TMC1: variants seen among roughly 807,000 people sequenced by gnomAD.
TMC1 encodes transmembrane channel-like protein 1.
Under a neutral mutation model 105.8 loss-of-function variants are expected in TMC1, and 84 were observed. That is an observed-to-expected ratio of 0.79 (90% CI 0.67 to 0.95). The LOEUF (loss-of-function observed/expected upper bound fraction) is 0.95. Among genes scored for constraint, TMC1 ranks in the 40% least tolerant of loss-of-function variants. The pLI, the probability that TMC1 is intolerant of heterozygous loss-of-function variation, is 0.00. For missense variants in TMC1, 817 were observed against 914.1 expected (o/e 0.89, Z 1.37); for synonymous variants, 315 against 311.5 (o/e 1.01, Z -0.12).
intron 2 of TMC1, among the ~76,000 whole-genome samples, chr9:72,578,799 T>G (rs1433672948): frequency 6.6e-6 from 1 of 152,244 alleles, no homozygotes; most frequent in Non-Finnish European, 1.5e-5. Flanking sequence ...CCCGCAGCCT[T>G]TCTCAATTTC....
chr9:72,670,083 G>A (rs906118600), intron 5 of TMC1, among the ~76,000 whole-genome samples: 1 of 152,158 alleles, frequency 6.6e-6, no homozygotes, highest in African/African-American at 2.4e-5. Flanking sequence ...AAGAGTTCCA[G>A]AGAAAAGAAA....
At chr9:72,554,628 G>T (rs1328774031) in intron 1 of TMC1, among the ~76,000 whole-genome samples, 2 of 152,162 alleles carry the variant, frequency 1.3e-5, no homozygotes, top group Admixed American at 1.3e-4. Context: ...TTTCAGCAGT[G>T]AAAGTCAGGG....
rs1489404848 is a variant in TMC1, at chr9:72,792,333, G to A, written c.1547G>A (p.Trp516Ter). 6.2e-7 allele frequency: 1 copy of A among 1,614,082 alleles called. No homozygotes were observed. Among genetic ancestry groups the A allele is most frequent in the Non-Finnish European group, 8.5e-7 (1 of 1,179,996 alleles). The change falls in exon 17 of 24, where the codon TGG becomes TAG. Residue 516 changes from tryptophan to a stop codon, truncating the protein, a stop_gained. Coordinates refer to ENST00000297784, the MANE Select transcript of TMC1 (RefSeq NM_138691.3). LOFTEE classifies it high-confidence loss of function. The part of the protein sequence containing the change: ...HPADVPRGPC[W>*]ETMVGQEFVR... ...GCAGATGTACCTCGAGGACCTTGCT[G>A]GGAAACAATGGTGGGACAGGTAATG...
intron 1 of TMC1, among the ~76,000 whole-genome samples, chr9:72,548,625 G>A (rs1417658356): frequency 6.6e-6 from 1 of 150,520 alleles, no homozygotes; most frequent in Non-Finnish European, 1.5e-5. Context: ...AAGCCAACAA[G>A]ATATGTTTTC....
chr9:72,762,554 C>T (rs892045024), intron 12 of TMC1, among the ~76,000 whole-genome samples: 3 of 152,194 alleles, frequency 2.0e-5, no homozygotes, highest in African/African-American at 7.2e-5. Flanking sequence ...AGAGGCTGAA[C>T]TTCTAGATCA....
At chr9:72,829,468 T>C (rs1829008060) in intron 21 of TMC1, among the ~76,000 whole-genome samples, 1 of 152,124 alleles carries the variant, frequency 6.6e-6, no homozygotes, top group Admixed American at 6.6e-5. Context: ...TCCAGGAACT[T>C]TTCTAAGAAA....
intron 4 of TMC1, among the ~76,000 whole-genome samples, chr9:72,634,267 A>T (rs772358626): frequency 1.7e-4 from 26 of 152,306 alleles, no homozygotes; most frequent in Non-Finnish European, 3.4e-4. Flanking sequence ...AAGTTTAAAA[A>T]TATCTCAGAG....
intron 1 of TMC1, among the ~76,000 whole-genome samples, chr9:72,541,031 C>A (rs529569503): frequency 5.9e-5 from 9 of 152,164 alleles, no homozygotes; most frequent in Non-Finnish European, 1.3e-4. Flanking sequence ...AGGTCCTGAA[C>A]TGAATTGTTT....
intron 15 of TMC1, among the ~76,000 whole-genome samples, chr9:72,790,495 A>G (rs1828249061): frequency 6.6e-6 from 1 of 152,206 alleles, no homozygotes; most frequent in Non-Finnish European, 1.5e-5. Flanking sequence ...GTTTGCTTTC[A>G]AAATGGTCTC....
At chr9:72,779,046 A>G (rs922649051) in intron 13 of TMC1, among the ~76,000 whole-genome samples, 4 of 152,198 alleles carry the variant, frequency 2.6e-5, no homozygotes, top group African/African-American at 9.6e-5. Flanking sequence ...CTCATGGAGC[A>G]TTGTTGTTAA....
intron 5 of TMC1, among the ~76,000 whole-genome samples, chr9:72,666,187 G>A (rs756889019): frequency 2.0e-5 from 3 of 152,078 alleles, no homozygotes; most frequent in Non-Finnish European, 4.4e-5. Flanking sequence ...AGGCCAAGGC[G>A]GGAGGATTGC....
chr9:72,815,642 T>C (rs1828774671), intron 18 of TMC1, among the ~76,000 whole-genome samples: 1 of 152,192 alleles, frequency 6.6e-6, no homozygotes, highest in South Asian at 2.1e-4. Context: ...AAATATTCTT[T>C]CAAAATGATT....
At chr9:72,830,045 T>C (rs1829015803) in intron 21 of TMC1, among the ~76,000 whole-genome samples, 1 of 152,242 alleles carries the variant, frequency 6.6e-6, no homozygotes, top group African/African-American at 2.4e-5. Context: ...TTTTCCTTTT[T>C]GTTCGGCATG....
At chr9:72,814,165 C>T (rs17641224) in intron 18 of TMC1, among the ~76,000 whole-genome samples, 9,892 of 152,078 alleles carry the variant, frequency 0.065, 376 homozygotes, top group Non-Finnish European at 0.086. Flanking sequence ...TCTAAGGAGG[C>T]GAAGGCTTAA....
intron 12 of TMC1, 81 bp downstream of exon 12, chr9:72,754,965 C>G: frequency 1.0e-6 from 1 of 981,434 alleles, no homozygotes; most frequent in East Asian, 2.8e-5. Context: ...ACGGCCTCCT[C>G]TCCTGGGTCA....
At chr9:72,716,838 G>A (rs1174507226) in intron 8 of TMC1, among the ~76,000 whole-genome samples, 1 of 152,130 alleles carries the variant, frequency 6.6e-6, no homozygotes, top group East Asian at 1.9e-4. Context: ...GGCTAGCTCT[G>A]TGTCTGCCCA....
At chr9:72,803,220 C>A (rs1307797438) in intron 17 of TMC1, among the ~76,000 whole-genome samples, 3 of 152,148 alleles carry the variant, frequency 2.0e-5, no homozygotes, top group Non-Finnish European at 4.4e-5. Context: ...ACACCTTATA[C>A]AAAAATTAAC....
At chr9:72,668,466 C>T (rs1254850293) in intron 5 of TMC1, among the ~76,000 whole-genome samples, 1 of 152,178 alleles carries the variant, frequency 6.6e-6, no homozygotes, top group African/African-American at 2.4e-5. Flanking sequence ...TTATCTGGAG[C>T]TCTTTCTGCT....
In TMC1 at chr9:72,722,707, T is replaced by C. The variant is rs78770013; in HGVS notation, c.363-17412T>C. On this transcript the variant is annotated intron_variant, in intron 8 of 23. Coordinates refer to ENST00000297784, the MANE Select transcript of TMC1 (RefSeq NM_138691.3). The stretch of plus-strand genomic sequence containing the variant: ...ATGTTAATGTCTTTTTTGTTGGACA[T>C]TCATTTCCAAAGCAGAACAATTAAC... Among the ~76,000 whole-genome samples, 18 of 152,280 alleles carry C rather than the reference T, an allele frequency of 1.2e-4. No individual in the cohort carries two copies. In the East Asian group the frequency reaches 3.1e-3, roughly 26 times the overall value.
Sources: allele counts gnomAD v4.1 joint callset (sites outside exome capture counted in the v4.1 genomes callset), GRCh38; gene constraint gnomAD v4.1.1; transcripts MANE v1.5; gene names NCBI Gene and HGNC (gene_info 2026-07-23, HGNC 2026-07-21).